The following NFKB2 variants were observed in gnomAD, a reference collection of about 807,000 sequenced individuals.
NFKB2 encodes the protein nuclear factor NF-kappa-B p100 subunit.
Under a neutral mutation model 109.3 loss-of-function variants are expected in NFKB2, and 21 were observed. That is an observed-to-expected ratio of 0.19 (90% confidence interval 0.14 to 0.28). NFKB2 has a LOEUF of 0.28. NFKB2 is among the 10% of genes least tolerant of loss of function. The pLI is 1.00. For synonymous variants in NFKB2, 478 were observed against 489.9 expected (o/e 0.98, Z 0.32); for missense variants, 806 against 1,185.3 (o/e 0.68, Z 4.70).
In NFKB2 at chr10:102,396,236, G is replaced by T. The variant is rs1198686814; in HGVS notation, c.22-17G>T. Reference sequence around the variant, plus strand: ...TGCTGAGAGTCGGATGCCACCCCCAGTCTGTCTCCAAACCAGGGTCTGGAT... The same window carrying T: ...TGCTGAGAGTCGGATGCCACCCCCATTCTGTCTCCAAACCAGGGTCTGGAT... On this transcript the variant is annotated splice_polypyrimidine_tract_variant and intron_variant, in intron 2 of 22. Coordinates refer to ENST00000661543, the MANE Select transcript of NFKB2 (RefSeq NM_001322934.2). The surrounding 1 kb of genome is among the most constrained non-coding windows in gnomAD (Gnocchi z 5.9). The T allele has an allele frequency of 1.3e-6, 2 of 1,598,524 alleles. No homozygotes were observed. The highest frequency in any genetic ancestry group is 1.7e-5 in the Admixed American group (1 of 59,658).
rs946361705 is a variant in NFKB2, at chr10:102,397,197, A to G, written c.396-105A>G. ...CCCAAGGGCCTAAGTAGAAACTCCAATGGCTTCCTTGAGGAAGTAAGGCTG... is the reference window on the plus strand; with the variant it reads ...CCCAAGGGCCTAAGTAGAAACTCCAGTGGCTTCCTTGAGGAAGTAAGGCTG... On this transcript the variant is annotated intron_variant, in intron 6 of 22. Coordinates refer to ENST00000661543, the MANE Select transcript of NFKB2 (RefSeq NM_001322934.2). The surrounding 1 kb of genome is among the most constrained non-coding windows in gnomAD (Gnocchi z 4.7). The G allele has an allele frequency of 5.9e-6, 9 of 1,528,604 alleles. No homozygotes were observed. The highest frequency in any genetic ancestry group is 2.7e-5 in the African/African-American group (2 of 72,862). The allele number at this position is 1,528,604 out of a possible 1,614,324, so 94.7% of individuals were successfully genotyped here. A position where few individuals can be genotyped will look rare whatever the true frequency, so the allele number is the denominator to read the frequency against.
chr10:102,395,132 C>T (rs564233298), upstream of NFKB2, among the ~76,000 whole-genome samples: 30 of 141,404 alleles, frequency 2.1e-4, no homozygotes, highest in South Asian at 7.0e-3. Flanking sequence ...GTGCAGAGAT[C>T]TCCCTGTCGC....
rs2061130512 is a variant in NFKB2 at position 102,397,182 on chromosome 10, T to A, written c.396-120T>A. 1 of 1,534,028 alleles carries A rather than the reference T, an allele frequency of 6.5e-7. No homozygotes were observed. Among genetic ancestry groups the A allele is most frequent in the Middle Eastern group, 1.8e-4 (1 of 5,426 alleles). On this transcript the variant is annotated intron_variant, in intron 6 of 22. Coordinates refer to ENST00000661543, the MANE Select transcript of NFKB2 (RefSeq NM_001322934.2). The surrounding 1 kb of genome is among the most constrained non-coding windows in gnomAD (Gnocchi z 4.7). ...TAGGTTGGCCCCAAACCCAAGGGCC[T>A]AAGTAGAAACTCCAATGGCTTCCTT...
chr10:102,396,192 G>C lies in NFKB2; in HGVS notation c.22-61G>C. 6.5e-7 allele frequency: 1 copy of C among 1,550,152 alleles called. No homozygotes were observed. Among genetic ancestry groups the C allele is most frequent in the Non-Finnish European group, 8.9e-7 (1 of 1,129,876 alleles). On this transcript the variant is annotated intron_variant, in intron 2 of 22. Transcript: ENST00000661543. The surrounding 1 kb of genome is among the most constrained non-coding windows in gnomAD (Gnocchi z 5.9). ...GTGACCACTGAAGACTTGGAGATGGGAGGTGGGGCTGTGGGGGGTGCTGAG... is the reference window on the plus strand; with the variant it reads ...GTGACCACTGAAGACTTGGAGATGGCAGGTGGGGCTGTGGGGGGTGCTGAG...
In NFKB2 at chr10:102,396,856, G is replaced by A. The variant is rs1264953658; in HGVS notation, c.243+33G>A. ...AGGATGGTGCTGGAGGGTGGGCTAAGTGGACAGCATGCCCAAGGCCCTGAC... is the reference window on the plus strand; with the variant it reads ...AGGATGGTGCTGGAGGGTGGGCTAAATGGACAGCATGCCCAAGGCCCTGAC... On this transcript the variant is annotated intron_variant, in intron 5 of 22. Coordinates refer to ENST00000661543, the MANE Select transcript of NFKB2 (RefSeq NM_001322934.2). This position sits in a 1 kb window ranked among gnomAD's most constrained non-coding sequence, Gnocchi z 5.9. 4.4e-6 allele frequency: 7 copies of A among 1,602,872 alleles called. No homozygotes were observed. The highest frequency in any genetic ancestry group is 1.3e-5 in the African/African-American group (1 of 74,694).
In NFKB2 at chr10:102,400,726, G is replaced by A. The variant is rs1286121409; in HGVS notation, c.1870G>A (p.Ala624Thr). ...ECLDLLVDSG[A>T]EVEATERQGG... The stretch of plus-strand genomic sequence containing the variant: ...CCTGGATCTGCTGGTGGACAGTGGG[G>A]CTGAAGTGGAGGCCACAGAGCGGCA... The change falls in exon 17 of 23, where the codon GCT becomes ACT. Residue 624 changes from alanine (A) to threonine (T), a missense_variant. Around this residue, in one of 10 missense-constraint regions of NFKB2, gnomAD observed 163 missense variants for 207.1 expected, o/e 0.79. Transcript: ENST00000661543. The surrounding 1 kb of genome is among the most constrained non-coding windows in gnomAD (Gnocchi z 6.3). The A allele has an allele frequency of 1.9e-6, 3 of 1,614,030 alleles. No individual in the cohort carries two copies. Among genetic ancestry groups the A allele is most frequent in the Admixed American group, 3.3e-5 (2 of 60,006 alleles).
At position 102,398,561 on chromosome 10, in the gene NFKB2, G is replaced by A; in HGVS notation, c.991+38G>A. The A allele has an allele frequency of 1.2e-6, 2 of 1,609,904 alleles. No individual in the cohort carries two copies. Among genetic ancestry groups the A allele is most frequent in the Non-Finnish European group, 8.5e-7 (1 of 1,177,292 alleles). ...TGAGGACCTCAGGGTGCTGGCGGGG[G>A]GCCAGGCTGGGCTAGAAGAAGGTCC... On this transcript the variant is annotated intron_variant, in intron 11 of 22. Transcript: ENST00000661543. The surrounding 1 kb of genome is among the most constrained non-coding windows in gnomAD (Gnocchi z 6.6).
Position 102,398,646 on chromosome 10 carries a change from C to T in NFKB2, c.992-93C>T, listed in dbSNP as rs1274036873. ...AGAAGTGCGAGGGTCCCAGGAGGTG[C>T]TTCCTAGGAGCCGGCCCTGAGGGCT... On this transcript the variant is annotated intron_variant, in intron 11 of 22. Coordinates refer to ENST00000661543, the MANE Select transcript of NFKB2 (RefSeq NM_001322934.2). The surrounding 1 kb of genome is among the most constrained non-coding windows in gnomAD (Gnocchi z 6.6). 3.1e-6 allele frequency: 5 copies of T among 1,610,812 alleles called. No individual in the cohort carries two copies. In the East Asian group the frequency reaches 1.1e-4, roughly 36 times the overall value.
Position 102,400,600 on chromosome 10 carries a change from G to T in NFKB2, c.1799-55G>T. 1 of 1,606,304 alleles carries T rather than the reference G, an allele frequency of 6.2e-7. No homozygotes were observed. Among genetic ancestry groups the T allele is most frequent in the Non-Finnish European group, 8.5e-7 (1 of 1,174,874 alleles). ...TGTCGAGATTGAATGGTCAGGGCTG[G>T]TCCAGGGGCTGCCTTAAGGGTCACA... On this transcript the variant is annotated intron_variant, in intron 16 of 22. Transcript: ENST00000661543. The surrounding 1 kb of genome is among the most constrained non-coding windows in gnomAD (Gnocchi z 6.3).
Position 102,401,942 on chromosome 10 carries a change from C to T in NFKB2, c.2466+25C>T. 1 of 1,600,990 alleles carries T rather than the reference C, an allele frequency of 6.2e-7. No homozygotes were observed. Among genetic ancestry groups the T allele is most frequent in the East Asian group, 2.2e-5 (1 of 44,598 alleles). On this transcript the variant is annotated intron_variant, in intron 21 of 22. Coordinates refer to ENST00000661543, the MANE Select transcript of NFKB2 (RefSeq NM_001322934.2). The surrounding 1 kb of genome is among the most constrained non-coding windows in gnomAD (Gnocchi z 4.2). The stretch of plus-strand genomic sequence containing the variant: ...GGTGGGTTGGCCTGTGCCCTGCCCC[C>T]TCCCCAGCCTCCTTTCCCGATCTGA...
chr10:102,402,445 T>G lies in NFKB2; in HGVS notation c.*69T>G. The G allele has an allele frequency of 1.1e-6, 1 of 896,752 alleles. No individual in the cohort carries two copies. The highest frequency in any genetic ancestry group is 1.7e-6 in the Non-Finnish European group (1 of 585,094). The allele number at this position is 896,752 out of a possible 1,614,324, so 55.5% of individuals were successfully genotyped here. A position where few individuals can be genotyped will look rare whatever the true frequency, so the allele number is the denominator to read the frequency against. On this transcript the variant is annotated 3_prime_UTR_variant, in exon 23 of 23. Coordinates refer to ENST00000661543, the MANE Select transcript of NFKB2 (RefSeq NM_001322934.2). ...CGTCCCCACCTATTTCAAATCTTAT[T>G]TAACACCCCACACCCACCCCTCAGT... is the stretch of plus-strand genomic sequence containing the variant.
rs756206111 is a variant in NFKB2 at position 102,400,224 on chromosome 10, G to A, written c.1584+30G>A. On this transcript the variant is annotated intron_variant, in intron 15 of 22. Transcript: ENST00000661543. This position sits in a 1 kb window ranked among gnomAD's most constrained non-coding sequence, Gnocchi z 6.3. The stretch of plus-strand genomic sequence containing the variant: ...GGGGGCGCCTACTGGGGAGGTGGGA[G>A]GGGTTGGAAGGCAAGTGGGTCTCGG... 3 of 1,613,968 alleles carry A rather than the reference G, an allele frequency of 1.9e-6. No individual in the cohort carries two copies. Among genetic ancestry groups the A allele is most frequent in the South Asian group, 2.2e-5 (2 of 91,080 alleles).
rs371733126 is a variant in NFKB2, at chr10:102,400,139, T to A, written c.1529T>A (p.Val510Asp). The change falls in exon 15 of 23, where the codon GTC (valine) becomes GAC (aspartate). Residue 510 changes from valine (V) to aspartate (D), a missense_variant. Around this residue, in one of 10 missense-constraint regions of NFKB2, gnomAD observed 163 missense variants for 207.1 expected, o/e 0.79. Transcript: ENST00000661543. The surrounding 1 kb of genome is among the most constrained non-coding windows in gnomAD (Gnocchi z 6.3). Reference sequence around the variant, plus strand: ...AGTGTCATTGAGCAGATAGTCTATGTCATCCACCACGCCCAGGACCTCGGC... The same window carrying A: ...AGTGTCATTGAGCAGATAGTCTATGACATCCACCACGCCCAGGACCTCGGC... ...QTSVIEQIVY[V>D]IHHAQDLGVV... 2 of 1,614,010 alleles carry A rather than the reference T, an allele frequency of 1.2e-6. No individual in the cohort carries two copies. Among genetic ancestry groups the A allele is most frequent in the Non-Finnish European group, 1.7e-6 (2 of 1,179,996 alleles).
In NFKB2 at chr10:102,396,338, A is replaced by G. The variant is rs375204800; in HGVS notation, c.103+4A>G. The G allele has an allele frequency of 1.1e-5, 18 of 1,613,638 alleles. No individual in the cohort carries two copies. Among genetic ancestry groups the G allele is most frequent in the Non-Finnish European group, 1.5e-5 (18 of 1,179,574 alleles). Reference sequence around the variant, plus strand: ...AAGGAGCCAGCCCCAGAAACAGGTCAGCAAGTTCACTAACCTCCCCTAGTC... The same window carrying G: ...AAGGAGCCAGCCCCAGAAACAGGTCGGCAAGTTCACTAACCTCCCCTAGTC... On this transcript the variant is annotated splice_donor_region_variant and intron_variant, in intron 3 of 22. Coordinates refer to ENST00000661543, the MANE Select transcript of NFKB2 (RefSeq NM_001322934.2). This position sits in a 1 kb window ranked among gnomAD's most constrained non-coding sequence, Gnocchi z 5.9.
chr10:102,401,152 C>A lies in NFKB2; in HGVS notation c.2072-28C>A. The A allele has an allele frequency of 1.3e-6, 2 of 1,595,468 alleles. No individual in the cohort carries two copies. The highest frequency in any genetic ancestry group is 1.7e-6 in the Non-Finnish European group (2 of 1,167,528). Reference sequence around the variant, plus strand: ...GTCCTTAATGTAGGCCCCCACCATACCGCCCCATGACGGCCTCCCTCTCCC... The same window carrying A: ...GTCCTTAATGTAGGCCCCCACCATAACGCCCCATGACGGCCTCCCTCTCCC... On this transcript the variant is annotated intron_variant, in intron 18 of 22. Coordinates refer to ENST00000661543, the MANE Select transcript of NFKB2 (RefSeq NM_001322934.2). The surrounding 1 kb of genome is among the most constrained non-coding windows in gnomAD (Gnocchi z 4.2).
At chr10:102,399,527 G>A (rs1270556226) in intron 13 of NFKB2, 30 bp downstream of exon 13, 5 of 1,505,142 alleles carry the variant, frequency 3.3e-6, no homozygotes, top group South Asian at 1.3e-5. Flanking sequence ...GGCGGTCGGG[G>A]CGCCGGGGCT....
chr10:102,397,109 G>GC lies in NFKB2; in HGVS notation c.395+58dup, dbSNP rs2061129345. ...TGGTATGCCCGTCTGCCAGTCCCAGGCCCCAGCCCACCTCCATGAGCTTAG... is the reference window on the plus strand; with the variant it reads ...TGGTATGCCCGTCTGCCAGTCCCAGGCCCCCAGCCCACCTCCATGAGCTTAG... On this transcript the variant is annotated intron_variant, in intron 6 of 22. Coordinates refer to ENST00000661543, the MANE Select transcript of NFKB2 (RefSeq NM_001322934.2). The surrounding 1 kb of genome is among the most constrained non-coding windows in gnomAD (Gnocchi z 4.7). 6.3e-7 allele frequency: 1 copy of GC among 1,590,136 alleles called. No individual in the cohort carries two copies. The highest frequency in any genetic ancestry group is 8.6e-7 in the Non-Finnish European group (1 of 1,163,368).
chr10:102,399,992 C>T (rs752609043), intron 14 of NFKB2, 88 bp from the exon 15 acceptor site: 49 of 1,374,390 alleles, frequency 3.6e-5, no homozygotes, highest in Non-Finnish European at 5.0e-5. Flanking sequence ...CCATGGGCCC[C>T]AGCGAGGGAG....
chr10:102,396,091 G>T lies in NFKB2; in HGVS notation c.21+111G>T. ...ACCTGTATGCTCGCAGATGCTCTCA[G>T]CCTGCCAGTCTGTCCATCTGTCTGC... On this transcript the variant is annotated intron_variant, in intron 2 of 22. Coordinates refer to ENST00000661543, the MANE Select transcript of NFKB2 (RefSeq NM_001322934.2). This position sits in a 1 kb window ranked among gnomAD's most constrained non-coding sequence, Gnocchi z 5.9. 1.3e-6 allele frequency: 2 copies of T among 1,509,270 alleles called. No individual in the cohort carries two copies. Among genetic ancestry groups the T allele is most frequent in the Non-Finnish European group, 1.8e-6 (2 of 1,091,998 alleles). 93.5% of individuals were successfully genotyped at this position (1,509,270 alleles called of 1,614,324 possible). A position where few individuals can be genotyped will look rare whatever the true frequency, so the allele number is the denominator to read the frequency against.
Sources: gnomAD v4.1 joint callset for allele counts (sites outside exome capture counted in the v4.1 genomes callset) on GRCh38, gnomAD v4.1.1 for gene constraint, gnomAD v4.1.1 regional missense constraint, Gnocchi (gnomAD v3.1) non-coding constraint, MANE v1.5 for transcripts, NCBI Gene and HGNC (gene_info 2026-07-23, HGNC 2026-07-21) for gene names.